Variants in CHD9NB observed in about 807,000 individuals in gnomAD.
The protein encoded by CHD9NB is CHD9 neighbor protein.
the CHD9NB span, chr16:53,043,088 G>T: frequency 6.6e-6 from 1 of 152,176 alleles, no homozygotes; most frequent in Non-Finnish European, 1.5e-5. Context: ...AATGTGTTGT[G>T]TCAACATTTA....
At chr16:53,039,234 C>A in the CHD9NB span, among the ~76,000 whole-genome samples, 1 of 152,168 alleles carries the variant, frequency 6.6e-6, no homozygotes, top group African/African-American at 2.4e-5. Flanking sequence ...GCTTGTGAAT[C>A]TTCTAGGGGA....
the CHD9NB span, among the ~76,000 whole-genome samples, chr16:53,049,079 G>A: frequency 1.3e-5 from 2 of 152,070 alleles, no homozygotes; most frequent in Admixed American, 1.3e-4. Flanking sequence ...GGCTGCTCTC[G>A]AACTCCTGGG....
chr16:53,040,462 C>A, the CHD9NB span, among the ~76,000 whole-genome samples: 1 of 152,128 alleles, frequency 6.6e-6, no homozygotes, highest in East Asian at 1.9e-4. Flanking sequence ...ACATTGTGCC[C>A]CATGCAGTTC....
chr16:53,041,673 CAT>C, the CHD9NB span, among the ~76,000 whole-genome samples: 1 of 152,098 alleles, frequency 6.6e-6, no homozygotes, highest in African/African-American at 2.4e-5. Context: ...GAACTCTTTC[CAT>C]AGAGTCCTGA....
chr16:53,036,000 G>A, the CHD9NB span: 2 of 151,596 alleles, frequency 1.3e-5, no homozygotes, highest in African/African-American at 4.8e-5. Context: ...ATTGGATTTA[G>A]GGCTCACTCT....
the CHD9NB span, among the ~76,000 whole-genome samples, chr16:53,041,216 G>A: frequency 6.6e-6 from 1 of 152,234 alleles, no homozygotes; most frequent in Non-Finnish European, 1.5e-5. Context: ...TGGGAAGTTG[G>A]CCTTTGCAGG....
chr16:53,050,256 C>T, the CHD9NB span, among the ~76,000 whole-genome samples: 1 of 152,110 alleles, frequency 6.6e-6, no homozygotes, highest in Non-Finnish European at 1.5e-5. Context: ...CCAGGAATCC[C>T]AGCACTTTGG....
chr16:53,050,476 C>T, the CHD9NB span, among the ~76,000 whole-genome samples: 241 of 152,164 alleles, frequency 1.6e-3, no homozygotes, highest in African/African-American at 5.3e-3. Context: ...CCACTGCACT[C>T]CAACCTGAGT....
chr16:53,039,750 A>T, the CHD9NB span, among the ~76,000 whole-genome samples: 1 of 151,992 alleles, frequency 6.6e-6, no homozygotes, highest in Non-Finnish European at 1.5e-5. Context: ...CAAAAAAAAA[A>T]AAAAGTTCAA....
chr16:53,041,802 G>T, the CHD9NB span, among the ~76,000 whole-genome samples: 2 of 152,012 alleles, frequency 1.3e-5, no homozygotes, highest in Non-Finnish European at 2.9e-5. Flanking sequence ...AAATTGAAAG[G>T]AGTTCCCAGA....
chr16:53,040,422 C>T, the CHD9NB span, among the ~76,000 whole-genome samples: 6 of 152,142 alleles, frequency 3.9e-5, no homozygotes, highest in African/African-American at 7.2e-5. Context: ...GTCCCTGTGC[C>T]GTGGGCACCT....
At chr16:53,042,938 C>G in the CHD9NB span, 1 of 152,216 alleles carries the variant, frequency 6.6e-6, no homozygotes. Flanking sequence ...TGGCATTAAA[C>G]CGTCTATGGA....
chr16:53,038,484 GGAATTAC>G, the CHD9NB span, among the ~76,000 whole-genome samples: 78,956 of 151,882 alleles, frequency 0.52, 20,782 homozygotes, highest in East Asian at 0.67. Flanking sequence ...AGTAGTAGCT[GGAATTAC>G]AGGCACGTGC....
chr16:53,046,169 G>C, the CHD9NB span, among the ~76,000 whole-genome samples: 1 of 152,114 alleles, frequency 6.6e-6, no homozygotes, highest in Non-Finnish European at 1.5e-5. Context: ...TGCCCTGTTT[G>C]AGGCAAATCC....
chr16:53,038,015 G>C, the CHD9NB span, among the ~76,000 whole-genome samples: 1 of 152,228 alleles, frequency 6.6e-6, no homozygotes, highest in Non-Finnish European at 1.5e-5. Context: ...AGGAAAGCCA[G>C]TGGTGTAATT....
At chr16:53,052,245 T>A in the CHD9NB span, among the ~76,000 whole-genome samples, 6 of 148,052 alleles carry the variant, frequency 4.1e-5, no homozygotes, top group Non-Finnish European at 9.0e-5. Flanking sequence ...AAAAAGAAAT[T>A]AAAATTTAAA....
chr16:53,049,520 C>T, the CHD9NB span, among the ~76,000 whole-genome samples: 1 of 152,070 alleles, frequency 6.6e-6, no homozygotes, highest in Non-Finnish European at 1.5e-5. Context: ...TGGAGGAGGC[C>T]ACATTCTTGC....
the CHD9NB span, among the ~76,000 whole-genome samples, chr16:53,051,309 A>G: frequency 6.6e-6 from 1 of 152,282 alleles, no homozygotes; most frequent in African/African-American, 2.4e-5. Flanking sequence ...AAAGTAAACA[A>G]AATTTTCCCT....
At chr16:53,052,208 A>C in the CHD9NB span, among the ~76,000 whole-genome samples, 48 of 149,592 alleles carry the variant, frequency 3.2e-4, no homozygotes, top group African/African-American at 1.2e-3. Context: ...AAAAAAAAAA[A>C]AAACAATAAA....
Sources: allele counts gnomAD v4.1 joint callset (sites outside exome capture counted in the v4.1 genomes callset), GRCh38; gene constraint gnomAD v4.1.1; transcripts MANE v1.5; gene names NCBI Gene and HGNC (gene_info 2026-07-23, HGNC 2026-07-21).